RAPGEF4: variants seen among roughly 807,000 people sequenced by gnomAD.
RAPGEF4 encodes RAP guanine-nucleotide-exchange factor (GEF) 4.
A neutral mutation model predicts 147.9 loss-of-function variants in RAPGEF4; 66 were observed. That is an observed-to-expected ratio of 0.45 (90% CI 0.37 to 0.55). The LOEUF (loss-of-function observed/expected upper bound fraction) is 0.55, where lower values mean the gene tolerates loss of function less well. RAPGEF4 is among the 20% of genes least tolerant of loss of function. The pLI, the probability that RAPGEF4 is intolerant of heterozygous loss-of-function variation, is 0.00. For synonymous variants in RAPGEF4, 419 were observed against 442.7 expected, an observed-to-expected ratio of 0.95 and a Z score of 0.67; for missense variants, 1,071 against 1,257.3, an observed-to-expected ratio of 0.85 and a Z score of 2.24.
At chr2:173,036,938 C>T in intron 29 of RAPGEF4, 1 of 398,478 alleles carries the variant, frequency 2.5e-6, no homozygotes, top group Non-Finnish European at 4.5e-6. Flanking sequence ...GTGTTTCTTC[C>T]TTGGCAGCCT....
chr2:172,879,179 A>G (rs1696320109), intron 4 of RAPGEF4, among the ~76,000 whole-genome samples: 1 of 152,222 alleles, frequency 6.6e-6, no homozygotes, highest in South Asian at 2.1e-4. Context: ...GTAAAGGACT[A>G]GTTAAGTAAA....
intron 4 of RAPGEF4, chr2:172,893,677 A>C (rs370678843): frequency 2.6e-5 from 4 of 152,200 alleles, no homozygotes; most frequent in Non-Finnish European, 5.9e-5. Context: ...TTCACAGCAA[A>C]TCTTAACTTT....
chr2:173,027,415 T>C (rs1052920582), intron 25 of RAPGEF4, among the ~76,000 whole-genome samples, 156 bp downstream of exon 25: 1 of 152,170 alleles, frequency 6.6e-6, no homozygotes, highest in African/African-American at 2.4e-5. Context: ...GTAATGGATC[T>C]CTCCTATATT....
chr2:172,997,814 T>C (rs13000260), intron 16 of RAPGEF4, among the ~76,000 whole-genome samples: 100,916 of 152,120 alleles, frequency 0.66, 33,690 homozygotes, highest in East Asian at 0.89. Context: ...TTGCTATATA[T>C]TCAAGTTGAA....
intron 4 of RAPGEF4, among the ~76,000 whole-genome samples, chr2:172,848,962 A>T (rs1692521293): frequency 6.6e-6 from 1 of 152,216 alleles, no homozygotes. Flanking sequence ...TATAATTCTG[A>T]GTGTATTATA....
chr2:172,817,113 C>T lies in RAPGEF4; in HGVS notation c.444+2688C>T, dbSNP rs558748898. ...TGTCTATTCATTTATTCATAATATA[C>T]AGAGTATCTCCTATGTGTTAGGTAT... On this transcript the variant is annotated intron_variant, in intron 4 of 30. Coordinates refer to ENST00000397081, the MANE Select transcript of RAPGEF4 (RefSeq NM_007023.4). Among the ~76,000 whole-genome samples, 16 of 152,232 alleles carry T rather than the reference C, an allele frequency of 1.1e-4. No individual in the cohort carries two copies. The South Asian group carries it at 1.9e-3, about 18-fold the overall frequency.
In RAPGEF4 at chr2:173,027,101, A is replaced by T. The variant is rs769045128; in HGVS notation, c.2400A>T (p.Thr800=). The T allele has an allele frequency of 6.2e-7, 1 of 1,604,838 alleles. No individual in the cohort carries two copies. Among genetic ancestry groups the T allele is most frequent in the Non-Finnish European group, 8.5e-7 (1 of 1,177,668 alleles). Residue 800 remains threonine, a synonymous_variant, in exon 25 of 31, where the codon ACA becomes ACT. Coordinates refer to ENST00000397081, the MANE Select transcript of RAPGEF4 (RefSeq NM_007023.4). The part of the protein sequence containing the change: ...CVHELELIYH[T]FGRHNFKKTT... ...TCTAGCTGGAGCTAATCTATCACAC[A>T]TTTGGAAGGCATAATTTTAAAAAGA... is the stretch of plus-strand genomic sequence containing the variant.
intron 4 of RAPGEF4, among the ~76,000 whole-genome samples, chr2:172,833,428 T>A (rs1000373781): frequency 6.6e-6 from 1 of 152,170 alleles, no homozygotes; most frequent in Non-Finnish European, 1.5e-5. Flanking sequence ...TCTGAAGCAA[T>A]TTTCACTCTC....
chr2:173,005,559 T>C (rs1694384842), intron 17 of RAPGEF4, among the ~76,000 whole-genome samples: 1 of 142,358 alleles, frequency 7.0e-6, no homozygotes, highest in African/African-American at 2.6e-5. Context: ...AGTCTTGCTC[T>C]GTCACCAGGC....
intron 6 of RAPGEF4, among the ~76,000 whole-genome samples, chr2:172,928,809 C>A (rs1024400284): frequency 2.0e-5 from 3 of 152,034 alleles, no homozygotes; most frequent in Admixed American, 2.0e-4. Flanking sequence ...GTGTAATGTT[C>A]GATAGTTTAA....
intron 1 of RAPGEF4, among the ~76,000 whole-genome samples, chr2:172,792,570 A>G (rs1685932954): frequency 6.6e-6 from 1 of 152,178 alleles, no homozygotes; most frequent in Admixed American, 6.5e-5. Flanking sequence ...GGTTGTGGGC[A>G]TATTCTTTGA....
rs1017186099 is a variant in RAPGEF4 at position 172,868,796 on chromosome 2, T to C, written c.445-49006T>C. ...CTGGGTAATTTGTAAAGATATGAGG[T>C]TTATTTGGGCTCACAGTTCTGCGGC... On this transcript the variant is annotated intron_variant, in intron 4 of 30. Coordinates refer to ENST00000397081, the MANE Select transcript of RAPGEF4 (RefSeq NM_007023.4). 3.3e-5 allele frequency among the ~76,000 whole-genome samples: 5 copies of C among 152,178 alleles called. No individual in the cohort carries two copies. The East Asian group carries it at 9.6e-4, about 29-fold the overall frequency.
intron 1 of RAPGEF4, among the ~76,000 whole-genome samples, chr2:172,779,246 ATAT>A: frequency 6.6e-6 from 1 of 152,318 alleles, no homozygotes; most frequent in South Asian, 2.1e-4. Context: ...ATTACCATAA[ATAT>A]TATGTTAGAA....
chr2:173,012,993 C>A (rs1233764899), intron 17 of RAPGEF4, among the ~76,000 whole-genome samples: 2 of 152,226 alleles, frequency 1.3e-5, no homozygotes. Flanking sequence ...ATCTTTCTTC[C>A]TTTCTTCATT....
chr2:172,912,411 A>G (rs984432864), intron 4 of RAPGEF4, among the ~76,000 whole-genome samples: 1 of 152,174 alleles, frequency 6.6e-6, no homozygotes, highest in African/African-American at 2.4e-5. Context: ...TCTTTTGCGT[A>G]TCTAAAACAA....
At chr2:172,824,787 C>T (rs747542432) in intron 4 of RAPGEF4, among the ~76,000 whole-genome samples, 6 of 152,102 alleles carry the variant, frequency 3.9e-5, no homozygotes, top group Middle Eastern at 3.2e-3. Context: ...TGAGAGAATG[C>T]GAGTAAAGAA....
chr2:172,794,549 G>A (rs1686183354), intron 1 of RAPGEF4, among the ~76,000 whole-genome samples: 1 of 152,160 alleles, frequency 6.6e-6, no homozygotes, highest in African/African-American at 2.4e-5. Context: ...ATTCCCTGGA[G>A]AATCACCAAC....
At chr2:172,991,428 A>G (rs1038430587) in intron 15 of RAPGEF4, among the ~76,000 whole-genome samples, 1 of 152,216 alleles carries the variant, frequency 6.6e-6, no homozygotes, top group African/African-American at 2.4e-5. Context: ...GGCCTCATTC[A>G]TACTTTCCTG....
chr2:172,877,044 T>G (rs1216554022), intron 4 of RAPGEF4, among the ~76,000 whole-genome samples: 14 of 152,198 alleles, frequency 9.2e-5, no homozygotes, highest in Admixed American at 8.5e-4. Context: ...GAGGTGTTTA[T>G]AGTATTCTCT....
Sources: gnomAD v4.1 joint callset for allele counts (sites outside exome capture counted in the v4.1 genomes callset) on GRCh38, gnomAD v4.1.1 for gene constraint, MANE v1.5 for transcripts, NCBI Gene and HGNC (gene_info 2026-07-23, HGNC 2026-07-21) for gene names.